LSAMP: variants seen among roughly 807,000 people sequenced by gnomAD.
LSAMP encodes the protein limbic system-associated membrane protein.
Under a neutral mutation model 38.6 loss-of-function variants are expected in LSAMP, and 7 were observed. The observed-to-expected ratio is 0.18, with a 90% CI of 0.10 to 0.34. The LOEUF (loss-of-function observed/expected upper bound fraction) is 0.34, where lower values mean the gene tolerates loss of function less well. LSAMP is among the 10% of genes least tolerant of loss of function. The pLI is 1.00. For missense variants in LSAMP, 313 were observed against 420.0 expected, an observed-to-expected ratio of 0.75 and a Z score of 2.23; for synonymous variants, 154 against 166.8, an observed-to-expected ratio of 0.92 and a Z score of 0.59.
chr3:115,818,766 TAAGA>T lies in LSAMP; in HGVS notation c.920-8356_920-8353del, dbSNP rs1291831030. On this transcript the variant is annotated intron_variant, in intron 6 of 6. Transcript: ENST00000490035. ...ATATATAATAAATTATATATATATATAAGAAAGAAGGAAAGTTGTACTTTTATAT... is the reference window on the plus strand; with the variant it reads ...ATATATAATAAATTATATATATATATAAGAAGGAAAGTTGTACTTTTATAT... Among the ~76,000 whole-genome samples the T allele has an allele frequency of 6.7e-5, 7 of 105,200 alleles. No individual in the cohort carries two copies. In the South Asian group the frequency reaches 1.1e-3, roughly 16 times the overall value. 69.0% of individuals were successfully genotyped at this position (105,200 alleles called of 152,430 possible).
At chr3:116,034,745 G>A (rs1368669408) in intron 2 of LSAMP, among the ~76,000 whole-genome samples, 1 of 152,110 alleles carries the variant, frequency 6.6e-6, no homozygotes, top group African/African-American at 2.4e-5. Context: ...AACTGCAAAT[G>A]TTTAGCTATT....
intron 1 of LSAMP, among the ~76,000 whole-genome samples, chr3:116,379,098 G>A (rs985757646): frequency 1.3e-5 from 2 of 151,520 alleles, no homozygotes; most frequent in Non-Finnish European, 2.9e-5. Flanking sequence ...CATTCTGAAT[G>A]CTGTTGTCTT....
At chr3:115,945,407 T>C (rs370418711) in intron 3 of LSAMP, among the ~76,000 whole-genome samples, 7 of 152,062 alleles carry the variant, frequency 4.6e-5, no homozygotes, top group African/African-American at 4.8e-5. Context: ...CTGTCTCCGA[T>C]GTGAAGGACA....
chr3:115,969,821 A>G (rs1210482471), intron 3 of LSAMP, among the ~76,000 whole-genome samples: 1 of 152,204 alleles, frequency 6.6e-6, no homozygotes, highest in East Asian at 1.9e-4. Context: ...TCTTGGGTTC[A>G]AATGCACACC....
intron 3 of LSAMP, among the ~76,000 whole-genome samples, chr3:115,928,973 G>GTTTTTTTTTTTTTTTTTTTTTT (rs67711628): frequency 3.6e-5 from 4 of 109,926 alleles, no homozygotes; most frequent in African/African-American, 1.4e-4. Flanking sequence ...TTTTTTGTTT[G>GTTTTTTTTTTTTTTTTTTTTTT]TTTTTTTTTT....
intron 3 of LSAMP, among the ~76,000 whole-genome samples, chr3:115,942,668 T>C (rs1272320571): frequency 6.6e-6 from 1 of 152,206 alleles, no homozygotes; most frequent in African/African-American, 2.4e-5. Context: ...GCTAATGTTG[T>C]TAAAATGCAT....
intron 3 of LSAMP, among the ~76,000 whole-genome samples, chr3:115,916,070 G>T (rs535367074): frequency 6.6e-6 from 1 of 152,128 alleles, no homozygotes; most frequent in Admixed American, 6.5e-5. Context: ...TAGATGAATA[G>T]GCTACATCTG....
chr3:116,266,303 C>T (rs2107664273), intron 1 of LSAMP, among the ~76,000 whole-genome samples: 1 of 152,216 alleles, frequency 6.6e-6, no homozygotes, highest in East Asian at 1.9e-4. Flanking sequence ...ACATGGGTTC[C>T]TATTCTACTC....
chr3:116,432,508 C>T (rs2049294680), intron 1 of LSAMP, among the ~76,000 whole-genome samples: 1 of 151,582 alleles, frequency 6.6e-6, no homozygotes, highest in South Asian at 2.1e-4. Context: ...AGAATGAAGG[C>T]ATTAATGTAA....
chr3:116,200,093 TAC>T lies in LSAMP; in HGVS notation c.156-113539_156-113538del, dbSNP rs36216707. ...GTTTTACTGTTTTTCAGTCTTACTT[TAC>T]ACACACACACACACACACACACACA... On this transcript the variant is annotated intron_variant, in intron 1 of 6. Coordinates refer to ENST00000490035, the MANE Select transcript of LSAMP (RefSeq NM_002338.5). 1.7e-3 allele frequency among the ~76,000 whole-genome samples: 251 copies of T among 149,332 alleles called. 1 individual carries two copies. The highest frequency in any genetic ancestry group is 3.0e-3 in the African/African-American group (121 of 40,522).
chr3:116,054,218 G>T (rs1375073981), intron 2 of LSAMP, among the ~76,000 whole-genome samples: 1 of 152,146 alleles, frequency 6.6e-6, no homozygotes, highest in East Asian at 1.9e-4. Flanking sequence ...TGACTCTGAA[G>T]CTATGTTTTT....
intron 1 of LSAMP, among the ~76,000 whole-genome samples, chr3:116,152,809 T>C (rs902777320): frequency 3.3e-5 from 5 of 152,054 alleles, no homozygotes; most frequent in African/African-American, 1.2e-4. Context: ...GTTAGAAATA[T>C]GTACACACAC....
intron 1 of LSAMP, among the ~76,000 whole-genome samples, chr3:116,240,429 G>A (rs1316687144): frequency 6.6e-6 from 1 of 152,120 alleles, no homozygotes; most frequent in Non-Finnish European, 1.5e-5. Context: ...AAGACAATAA[G>A]GAAGAATGTT....
intron 1 of LSAMP, among the ~76,000 whole-genome samples, chr3:116,435,545 T>A (rs1212353370): frequency 6.6e-6 from 1 of 152,124 alleles, no homozygotes; most frequent in Non-Finnish European, 1.5e-5. Flanking sequence ...CCTCAAGAGA[T>A]CTTGTCCTGC....
intron 1 of LSAMP, among the ~76,000 whole-genome samples, chr3:116,317,787 T>C (rs550990253): frequency 5.3e-5 from 8 of 152,244 alleles, no homozygotes; most frequent in African/African-American, 1.7e-4. Context: ...CAAAAATCCA[T>C]TTAAAAGGCC....
chr3:116,330,794 A>G (rs575481106), intron 1 of LSAMP, among the ~76,000 whole-genome samples: 30 of 152,264 alleles, frequency 2.0e-4, no homozygotes, highest in Non-Finnish European at 3.7e-4. Flanking sequence ...CAAACTAAGT[A>G]TGGGAAAGAT....
intron 3 of LSAMP, among the ~76,000 whole-genome samples, chr3:115,860,466 G>A (rs1477201198): frequency 6.6e-6 from 1 of 152,194 alleles, no homozygotes; most frequent in Non-Finnish European, 1.5e-5. Context: ...TAGAGTGGGA[G>A]ATTGAGAATA....
At chr3:116,019,329 A>G (rs934660855) in intron 3 of LSAMP, among the ~76,000 whole-genome samples, 186 bp downstream of exon 3, 1 of 152,176 alleles carries the variant, frequency 6.6e-6, no homozygotes, top group Non-Finnish European at 1.5e-5. Context: ...GACCCTAAAT[A>G]AATAAAATAA....
chr3:116,405,799 G>C (rs9869252), intron 1 of LSAMP, among the ~76,000 whole-genome samples: 9,487 of 152,140 alleles, frequency 0.062, 397 homozygotes, highest in African/African-American at 0.12. Context: ...TGATCATGCA[G>C]TTAGTTAATA....
Sources: gnomAD v4.1 joint callset for allele counts (sites outside exome capture counted in the v4.1 genomes callset) on GRCh38, gnomAD v4.1.1 for gene constraint, MANE v1.5 for transcripts, NCBI Gene and HGNC (gene_info 2026-07-23, HGNC 2026-07-21) for gene names.